Variants in BLTP2 observed in about 807,000 individuals in gnomAD.
BLTP2 encodes the protein bridge-like lipid transfer protein family member 2.
chr17:28,635,759 G>T, the BLTP2 span: 1 of 745,860 alleles, frequency 1.3e-6, no homozygotes, highest in Non-Finnish European at 2.1e-6. Context: ...GCCTTGCTTT[G>T]TTCCTGTTAG....
At chr17:28,619,337 T>C in the BLTP2 span, among the ~76,000 whole-genome samples, 1 of 151,882 alleles carries the variant, frequency 6.6e-6, no homozygotes, top group Non-Finnish European at 1.5e-5. Context: ...ACCAAAGTGA[T>C]CTTTCAGCTG....
chr17:28,639,650 A>G, the BLTP2 span: 1 of 1,613,668 alleles, frequency 6.2e-7, no homozygotes, highest in South Asian at 1.1e-5. Flanking sequence ...CATCTGTAAG[A>G]GGCCAGAGGA....
At chr17:28,645,094 G>A in the BLTP2 span, 6 of 1,554,272 alleles carry the variant, frequency 3.9e-6, no homozygotes, top group Middle Eastern at 1.7e-4. Flanking sequence ...CCCGGCCCCC[G>A]CCATGCCGGG....
the BLTP2 span, chr17:28,631,611 CA>C: frequency 6.2e-7 from 1 of 1,614,110 alleles, no homozygotes; most frequent in Non-Finnish European, 8.5e-7. Flanking sequence ...GGTGAACGGT[CA>C]CCTGACTTAG....
the BLTP2 span, chr17:28,638,663 ATTGT>A: frequency 1.4e-6 from 2 of 1,403,668 alleles, no homozygotes; most frequent in East Asian, 2.3e-5. Flanking sequence ...ACAAGACATC[ATTGT>A]TTGGTAAGAA....
chr17:28,623,729 A>G, the BLTP2 span: 1 of 1,579,536 alleles, frequency 6.3e-7, no homozygotes, highest in Non-Finnish European at 8.7e-7. Flanking sequence ...AACCAGGAAT[A>G]TAATGGGCCT....
At chr17:28,639,600 A>G in the BLTP2 span, 11 of 1,614,198 alleles carry the variant, frequency 6.8e-6, no homozygotes, top group Non-Finnish European at 9.3e-6. Flanking sequence ...GAGGGAGTTG[A>G]GGCAGACAAT....
At chr17:28,627,043 G>T in the BLTP2 span, among the ~76,000 whole-genome samples, 1 of 152,178 alleles carries the variant, frequency 6.6e-6, no homozygotes, top group African/African-American at 2.4e-5. Flanking sequence ...GGTAGATAGT[G>T]TCAGAATTGA....
chr17:28,635,125 A>G, the BLTP2 span: 1 of 1,613,812 alleles, frequency 6.2e-7, no homozygotes. Flanking sequence ...GACTGAGCCG[A>G]AAGAGAGGAG....
the BLTP2 span, among the ~76,000 whole-genome samples, chr17:28,622,952 G>A: frequency 6.6e-5 from 10 of 152,166 alleles, no homozygotes; most frequent in African/African-American, 2.4e-4. Context: ...GGGCACGCCT[G>A]TAATCCCAGC....
At chr17:28,639,311 T>A in the BLTP2 span, 1 of 1,614,190 alleles carries the variant, frequency 6.2e-7, no homozygotes, top group Admixed American at 1.7e-5. Flanking sequence ...AAGATCAGAC[T>A]GACCTTTTTT....
the BLTP2 span, chr17:28,616,336 CA>C: frequency 6.2e-7 from 1 of 1,613,888 alleles, no homozygotes; most frequent in Non-Finnish European, 8.5e-7. This position sits in a 1 kb window ranked among gnomAD's most constrained non-coding sequence, Gnocchi z 4.8. Flanking sequence ...AACAGGACCT[CA>C]AGACTCTCCC....
chr17:28,617,931 C>CTTTT, the BLTP2 span, among the ~76,000 whole-genome samples: 8 of 128,696 alleles, frequency 6.2e-5, no homozygotes, highest in Non-Finnish European at 1.0e-4. Context: ...ACCCAATTTT[C>CTTTT]TTTTTTTTTT....
At chr17:28,637,799 G>A in the BLTP2 span, 5 of 1,593,010 alleles carry the variant, frequency 3.1e-6, no homozygotes, top group Non-Finnish European at 3.4e-6. Flanking sequence ...AGTCTCCCAA[G>A]TAGCACACTT....
the BLTP2 span, chr17:28,631,865 G>T: frequency 6.2e-7 from 1 of 1,614,140 alleles, no homozygotes; most frequent in South Asian, 1.1e-5. Context: ...ACATGGCCCT[G>T]ACTGCACTCA....
the BLTP2 span, chr17:28,618,901 C>T: frequency 6.2e-7 from 1 of 1,614,200 alleles, no homozygotes; most frequent in Non-Finnish European, 8.5e-7. Flanking sequence ...CGACGGACCA[C>T]ACTCACATCT....
the BLTP2 span, among the ~76,000 whole-genome samples, chr17:28,624,808 A>G: frequency 3.3e-5 from 5 of 152,062 alleles, no homozygotes; most frequent in Admixed American, 6.5e-5. Context: ...TCCCCTGATT[A>G]TGTCTCCAGG....
the BLTP2 span, chr17:28,616,709 G>C: frequency 6.2e-7 from 1 of 1,614,214 alleles, no homozygotes; most frequent in East Asian, 2.2e-5. This position sits in a 1 kb window ranked among gnomAD's most constrained non-coding sequence, Gnocchi z 4.8. Context: ...TCATTCTGTG[G>C]AAGAACTGGT....
the BLTP2 span, chr17:28,637,997 G>A: frequency 3.7e-6 from 6 of 1,614,098 alleles, no homozygotes; most frequent in Non-Finnish European, 5.1e-6. Context: ...TTGGGCACAG[G>A]TATCTGATGC....
Sources: allele counts gnomAD v4.1 joint callset (sites outside exome capture counted in the v4.1 genomes callset), GRCh38; gene constraint gnomAD v4.1.1; non-coding constraint Gnocchi (gnomAD v3.1); transcripts MANE v1.5; gene names NCBI Gene and HGNC (gene_info 2026-07-23, HGNC 2026-07-21).